The following TEX14 variants were observed in gnomAD, a reference collection of about 807,000 sequenced individuals.
TEX14 encodes the protein testis expressed 14, intercellular bridge forming factor.
TEX14 carries 168 observed loss-of-function variants against 178.6 expected under a neutral mutation model. The observed-to-expected ratio is 0.94, with a 90% CI of 0.83 to 1.07. The LOEUF is 1.07. Among genes scored for constraint, TEX14 ranks in the 50% least tolerant of loss-of-function variants. The pLI, the probability that TEX14 is intolerant of heterozygous loss-of-function variation, is 0.00. For missense variants in TEX14, 1,730 were observed against 1,753.6 expected, an observed-to-expected ratio of 0.99 and a Z score of 0.24; for synonymous variants, 626 against 634.1, an observed-to-expected ratio of 0.99 and a Z score of 0.19.
At chr17:58,591,612 C>T (rs185993973) in intron 15 of TEX14, among the ~76,000 whole-genome samples, 67 of 151,834 alleles carry the variant, frequency 4.4e-4, no homozygotes, top group African/African-American at 1.5e-3. Context: ...ACAGCAAACT[C>T]GTCATTAGTC....
intron 2 of TEX14, among the ~76,000 whole-genome samples, chr17:58,650,150 T>C (rs778914105): frequency 1.9e-4 from 29 of 151,658 alleles, no homozygotes; most frequent in Non-Finnish European, 4.0e-4. Context: ...CTCTGCCTCC[T>C]GAGTTCAAGC....
chr17:58,659,789 C>A (rs1409961513), intron 1 of TEX14, among the ~76,000 whole-genome samples: 3 of 151,976 alleles, frequency 2.0e-5, no homozygotes, highest in African/African-American at 7.3e-5. Flanking sequence ...CTCCGCCTCC[C>A]AGGTTCAAGC....
chr17:58,564,902 T>C lies in TEX14; in HGVS notation c.4031A>G (p.Lys1344Arg), dbSNP rs35081269. 5.1e-4 allele frequency: 812 copies of C among 1,606,794 alleles called. 1 individual carries two copies. Among genetic ancestry groups the C allele is most frequent in the Non-Finnish European group, 6.5e-4 (760 of 1,176,850 alleles). The change falls in exon 28 of 32, where the codon AAA (lysine) becomes AGA (arginine). Residue 1344 changes from lysine to arginine, a missense_variant. Coordinates refer to ENST00000349033, the MANE Select transcript of TEX14 (RefSeq NM_031272.5). ...KKEDSSMLLS[K>R]ETEDLGEDTE... ...GTCCTCTCCAAGATCTTCAGTTTCT[T>C]TGGACAAAAGCATACTACTATCTTC... is the stretch of plus-strand genomic sequence containing the variant.
At chr17:58,678,490 C>A (rs528792240) in intron 1 of TEX14, among the ~76,000 whole-genome samples, 1 of 152,216 alleles carries the variant, frequency 6.6e-6, no homozygotes, top group South Asian at 2.1e-4. Flanking sequence ...GAACACTATG[C>A]AGCCATAAAA....
intron 2 of TEX14, among the ~76,000 whole-genome samples, chr17:58,640,764 C>G (rs754179359): frequency 6.6e-6 from 1 of 152,018 alleles, no homozygotes; most frequent in African/African-American, 2.4e-5. Context: ...CTCTGACACC[C>G]AGGCTGTACA....
intron 1 of TEX14, among the ~76,000 whole-genome samples, chr17:58,685,544 T>C (rs2047576826): frequency 6.8e-6 from 1 of 147,818 alleles, no homozygotes; most frequent in Non-Finnish European, 1.5e-5. Context: ...AGGGATGAGG[T>C]CTAGCACACA....
In TEX14 at chr17:58,557,869, G is replaced by C. The variant is rs117072706; in HGVS notation, c.4268-19C>G. ...AGTTCATCTTGATGAAATATAAGAG[G>C]AAGGAAAAAACAACATGATTAATTT... is the stretch of plus-strand genomic sequence containing the variant. On this transcript the variant is annotated intron_variant, in intron 30 of 31. Coordinates refer to ENST00000349033, the MANE Select transcript of TEX14 (RefSeq NM_031272.5). 1.9e-6 allele frequency: 3 copies of C among 1,603,242 alleles called. No homozygotes were observed. The highest frequency in any genetic ancestry group is 2.6e-6 in the Non-Finnish European group (3 of 1,173,052).
At position 58,683,100 on chromosome 17, in the gene TEX14, C is replaced by T. The variant is rs577765318; in HGVS notation, c.-2+8839G>A. Among the ~76,000 whole-genome samples, 3 of 148,970 alleles carry T rather than the reference C, an allele frequency of 2.0e-5. No homozygotes were observed. The South Asian group carries it at 6.4e-4, about 32-fold the overall frequency. ...GACAAAAATGAGGAAAGGCTGAGCA[C>T]GGTGGCTCACGCCTGTAATCCCAGC... On this transcript the variant is annotated intron_variant, in intron 1 of 31. Coordinates refer to ENST00000349033, the MANE Select transcript of TEX14 (RefSeq NM_031272.5).
chr17:58,599,275 A>G lies in TEX14; in HGVS notation c.2070T>C (p.Phe690=), dbSNP rs2045368582. The G allele has an allele frequency of 6.2e-7, 1 of 1,613,530 alleles. No homozygotes were observed. Among genetic ancestry groups the G allele is most frequent in the East Asian group, 2.2e-5 (1 of 44,878 alleles). ...SSSKAETEYS[F]DDWDWQNGSL... ...AACCGTTTTGCCAGTCCCAGTCATCAAAAGAGTACTCTGTCTCAGCTTTTG... is the reference window on the plus strand; with the variant it reads ...AACCGTTTTGCCAGTCCCAGTCATCGAAAGAGTACTCTGTCTCAGCTTTTG... The change falls in exon 14 of 32, where the codon TTT becomes TTC. Residue 690 remains phenylalanine (F), a synonymous_variant. Transcript: ENST00000349033.
In TEX14 at chr17:58,630,319, G is replaced by A; in HGVS notation, c.251+121C>T. ...GATCTGCCCGCCTTGGCCTCCCAAA[G>A]TGCTGGGATTATAGGTATGAGACAC... is the stretch of plus-strand genomic sequence containing the variant. On this transcript the variant is annotated intron_variant, in intron 3 of 31. Coordinates refer to ENST00000349033, the MANE Select transcript of TEX14 (RefSeq NM_031272.5). 4 of 680,950 alleles carry A rather than the reference G, an allele frequency of 5.9e-6. No individual in the cohort carries two copies. The East Asian group carries it at 1.1e-4, about 19-fold the overall frequency. The allele number at this position is 680,950 out of a possible 1,614,324, so 42.2% of individuals were successfully genotyped here. A position where few individuals can be genotyped will look rare whatever the true frequency, so the allele number is the denominator to read the frequency against.
intron 1 of TEX14, among the ~76,000 whole-genome samples, chr17:58,686,710 G>T (rs1180809346): frequency 6.6e-6 from 1 of 152,020 alleles, no homozygotes; most frequent in Non-Finnish European, 1.5e-5. Flanking sequence ...CTGTAAAATT[G>T]ATACTGCTAG....
intron 9 of TEX14, 149 bp downstream of exon 9, chr17:58,613,272 G>A (rs1393792845): frequency 2.8e-5 from 25 of 900,782 alleles, no homozygotes; most frequent in African/African-American, 3.4e-5. Context: ...GCCTTAAATA[G>A]CATGTTATAC....
intron 19 of TEX14, among the ~76,000 whole-genome samples, chr17:58,583,920 T>A (rs1182605054): frequency 1.3e-5 from 2 of 152,258 alleles, no homozygotes; most frequent in East Asian, 3.8e-4. Flanking sequence ...CTTTAAATGA[T>A]TGCAATCCCA....
intron 2 of TEX14, among the ~76,000 whole-genome samples, chr17:58,636,835 C>T (rs994531423): frequency 6.6e-6 from 1 of 150,450 alleles, no homozygotes; most frequent in Non-Finnish European, 1.5e-5. Context: ...ATTTCTTGAA[C>T]TCGGGAGGCA....
At chr17:58,590,208 C>T (rs904826625) in intron 15 of TEX14, among the ~76,000 whole-genome samples, 1 of 146,836 alleles carries the variant, frequency 6.8e-6, no homozygotes, top group Non-Finnish European at 1.5e-5. Flanking sequence ...TTGCAGTGAG[C>T]CGAGTTTGCG....
intron 2 of TEX14, among the ~76,000 whole-genome samples, chr17:58,647,322 G>C (rs2046732393): frequency 6.6e-6 from 1 of 151,718 alleles, no homozygotes; most frequent in Non-Finnish European, 1.5e-5. Context: ...ACAAGGTCAG[G>C]AGATCGAGAC....
At chr17:58,557,316 G>A (rs1040525296) in intron 31 of TEX14, among the ~76,000 whole-genome samples, 1 of 151,094 alleles carries the variant, frequency 6.6e-6, no homozygotes, top group Non-Finnish European at 1.5e-5. Context: ...TTATCCCCCA[G>A]GTGGAGTGCA....
chr17:58,611,275 G>T lies in TEX14; in HGVS notation c.1070C>A (p.Ala357Asp). Residue 357 changes from alanine (A) to aspartate (D), a missense_variant, in exon 10 of 32, where the codon GCC becomes GAC. By Grantham distance (126) the Ala-to-Asp change is moderately radical. Transcript: ENST00000349033. ...IVHLLLQISD[A>D]LRYLHFQGFI... ...CCCCTGGAAATGCAGGTATCTCAGG[G>T]CATCAGATATCTGGAGCAGCAGGTG... 6.2e-7 allele frequency: 1 copy of T among 1,611,938 alleles called. No individual in the cohort carries two copies. The highest frequency in any genetic ancestry group is 2.2e-5 in the East Asian group (1 of 44,858).
In TEX14 at chr17:58,584,606, G is replaced by A. The variant is rs781735296; in HGVS notation, c.3071-6C>T. The A allele has an allele frequency of 6.2e-7, 1 of 1,605,802 alleles. No homozygotes were observed. Among genetic ancestry groups the A allele is most frequent in the Non-Finnish European group, 8.5e-7 (1 of 1,172,408 alleles). Reference sequence around the variant, plus strand: ...GGGAGATGGGTGCCTGATACCTAATGATTGTAACACAGTCAGGGTCAAAGT... The same window carrying A: ...GGGAGATGGGTGCCTGATACCTAATAATTGTAACACAGTCAGGGTCAAAGT... On this transcript the variant is annotated splice_region_variant and splice_polypyrimidine_tract_variant and intron_variant, in intron 18 of 31. Transcript: ENST00000349033.
Sources: gnomAD v4.1 joint callset for allele counts (sites outside exome capture counted in the v4.1 genomes callset) on GRCh38, gnomAD v4.1.1 for gene constraint, MANE v1.5 for transcripts, NCBI Gene and HGNC (gene_info 2026-07-23, HGNC 2026-07-21) for gene names.